Variants in DTNB observed in about 807,000 individuals in gnomAD.
DTNB encodes dystrobrevin beta.
A neutral mutation model predicts 90.7 loss-of-function variants in DTNB; 63 were observed. The observed-to-expected ratio is 0.69, with a 90% confidence interval of 0.57 to 0.86. The LOEUF (loss-of-function observed/expected upper bound fraction) is 0.86. DTNB is among the 40% of genes least tolerant of loss of function. DTNB has a pLI of 0.00. For synonymous variants in DTNB, 277 were observed against 286.7 expected, an observed-to-expected ratio of 0.97 and a Z score of 0.34; for missense variants, 744 against 807.1, an observed-to-expected ratio of 0.92 and a Z score of 0.95.
intron 16 of DTNB, among the ~76,000 whole-genome samples, chr2:25,391,220 CATCAAAAGCCCAAGCT>C (rs758489386): frequency 1.6e-3 from 236 of 152,084 alleles, no homozygotes; most frequent in Admixed American, 2.9e-3. Context: ...TTAGATATGA[CATCAAAAGCCCAAGCT>C]ATGAAAGAAA....
intron 16 of DTNB, among the ~76,000 whole-genome samples, chr2:25,395,843 C>G (rs1013537042): frequency 1.3e-5 from 2 of 152,050 alleles, no homozygotes; most frequent in African/African-American, 4.8e-5. Context: ...ATAAATTAAT[C>G]CTACTGAATC....
intron 5 of DTNB, among the ~76,000 whole-genome samples, chr2:25,599,769 G>A (rs949521439): frequency 2.0e-5 from 3 of 152,138 alleles, no homozygotes; most frequent in Admixed American, 6.6e-5. Context: ...CTCTTCAAAG[G>A]AGGGAAGAAC....
At chr2:25,621,059 G>A (rs575653791) in intron 4 of DTNB, among the ~76,000 whole-genome samples, 5 of 152,088 alleles carry the variant, frequency 3.3e-5, no homozygotes, top group African/African-American at 1.2e-4. Context: ...GTGCTACAAC[G>A]GTGGAAAATC....
At chr2:25,390,728 T>G (rs1012984414) in intron 16 of DTNB, among the ~76,000 whole-genome samples, 43 of 152,040 alleles carry the variant, frequency 2.8e-4, no homozygotes, top group African/African-American at 1.0e-3. Flanking sequence ...ATTACAGGTG[T>G]GAGCCACTGA....
chr2:25,665,831 T>C (rs2084307988), intron 1 of DTNB, among the ~76,000 whole-genome samples: 1 of 151,434 alleles, frequency 6.6e-6, no homozygotes, highest in Non-Finnish European at 1.5e-5. Context: ...CTTAAAGATT[T>C]GCTTTTTACA....
At chr2:25,659,081 G>A (rs992471697) in intron 1 of DTNB, among the ~76,000 whole-genome samples, 2 of 151,740 alleles carry the variant, frequency 1.3e-5, no homozygotes, top group Non-Finnish European at 2.9e-5. Flanking sequence ...GAACCTTAAT[G>A]CATGCAATTA....
intron 16 of DTNB, among the ~76,000 whole-genome samples, chr2:25,400,675 C>T (rs1249588254): frequency 6.6e-6 from 1 of 152,196 alleles, no homozygotes; most frequent in East Asian, 1.9e-4. Flanking sequence ...CTGCAATGTG[C>T]TACTCAGTGT....
chr2:25,483,006 G>T (rs570142920), intron 9 of DTNB, 133 bp from the exon 10 acceptor site: 2 of 924,166 alleles, frequency 2.2e-6, no homozygotes, highest in Non-Finnish European at 1.5e-6. Context: ...ATGGGGAGGG[G>T]GGGGACCCAT....
chr2:25,616,796 G>A (rs2070712854), intron 4 of DTNB, among the ~76,000 whole-genome samples: 1 of 151,500 alleles, frequency 6.6e-6, no homozygotes. Context: ...GCCGGGCGTG[G>A]TGGCAGGGGC....
chr2:25,628,069 C>T, intron 4 of DTNB, 102 bp downstream of exon 4: 2 of 1,272,940 alleles, frequency 1.6e-6, no homozygotes, highest in Non-Finnish European at 2.2e-6. Flanking sequence ...TTCTAAGTTG[C>T]CAGCTTAGCA....
chr2:25,474,682 T>TCAGATACTGTGCTTTTTACA, intron 10 of DTNB, among the ~76,000 whole-genome samples: 1 of 152,252 alleles, frequency 6.6e-6, no homozygotes. Flanking sequence ...CTTTGCTTTA[T>TCAGATACTGTGCTTTTTACA]CATGCTTCAC....
intron 2 of DTNB, among the ~76,000 whole-genome samples, chr2:25,651,286 C>T (rs2080885352): frequency 2.0e-5 from 3 of 152,144 alleles, no homozygotes; most frequent in African/African-American, 4.8e-5. Context: ...AACAGAGGCC[C>T]AGAGAGATTA....
intron 9 of DTNB, among the ~76,000 whole-genome samples, chr2:25,507,603 T>C (rs1364569645): frequency 6.6e-6 from 1 of 152,184 alleles, no homozygotes; most frequent in African/African-American, 2.4e-5. Context: ...CCTCTACTGT[T>C]ATCCACCTCG....
chr2:25,479,220 C>G (rs2064384786), intron 10 of DTNB, among the ~76,000 whole-genome samples: 1 of 152,144 alleles, frequency 6.6e-6, no homozygotes, highest in Non-Finnish European at 1.5e-5. Flanking sequence ...ACAGCTAAAG[C>G]TTTAGAAGAC....
At chr2:25,609,219 T>C (rs556707232) in intron 4 of DTNB, among the ~76,000 whole-genome samples, 17 of 152,356 alleles carry the variant, frequency 1.1e-4, no homozygotes, top group Admixed American at 8.5e-4. Context: ...AGAACTCTGA[T>C]GGATACAGCT....
intron 9 of DTNB, among the ~76,000 whole-genome samples, chr2:25,495,790 T>G (rs2068705762): frequency 2.6e-5 from 4 of 152,250 alleles, no homozygotes; most frequent in African/African-American, 4.8e-5. Flanking sequence ...CATCTGGTAC[T>G]GTAAGTGTAG....
At chr2:25,408,876 C>T (rs1345560371) in intron 16 of DTNB, among the ~76,000 whole-genome samples, 2 of 152,200 alleles carry the variant, frequency 1.3e-5, no homozygotes, top group Non-Finnish European at 2.9e-5. Flanking sequence ...GGTACAGCTT[C>T]ATGATTTGAC....
intron 7 of DTNB, 110 bp downstream of exon 7, chr2:25,580,611 G>T: frequency 9.5e-7 from 1 of 1,057,686 alleles, no homozygotes; most frequent in Non-Finnish European, 1.4e-6. Flanking sequence ...CAGAATGACA[G>T]CAAATGTCAA....
intron 7 of DTNB, among the ~76,000 whole-genome samples, chr2:25,578,127 T>C (rs1372892257): frequency 1.3e-5 from 2 of 152,170 alleles, no homozygotes; most frequent in African/African-American, 4.8e-5. Context: ...CTAGACTTGC[T>C]TCCAAAAATA....
Sources: allele counts gnomAD v4.1 joint callset (sites outside exome capture counted in the v4.1 genomes callset), GRCh38; gene constraint gnomAD v4.1.1; transcripts MANE v1.5; gene names NCBI Gene and HGNC (gene_info 2026-07-23, HGNC 2026-07-21).